SHB: variants seen among roughly 807,000 people sequenced by gnomAD.
SHB encodes SH2 domain containing adaptor protein B.
In SHB, 20 loss-of-function variants were observed where a neutral mutation model predicts 52.3. The ratio of observed to expected loss-of-function variants is 0.38; its 90% CI spans 0.27 to 0.56. The LOEUF is 0.56. Among genes scored for constraint, SHB ranks in the 20% least tolerant of loss-of-function variants. SHB has a pLI of 0.71. For synonymous variants in SHB, 397 were observed against 316.5 expected, an observed-to-expected ratio of 1.25 and a Z score of -2.70; for missense variants, 825 against 723.3, an observed-to-expected ratio of 1.14 and a Z score of -1.61.
chr9:38,065,157 G>A (rs1821944949), intron 1 of SHB, among the ~76,000 whole-genome samples: 2 of 152,146 alleles, frequency 1.3e-5, no homozygotes, highest in African/African-American at 4.8e-5. Flanking sequence ...GGATCCATGA[G>A]TGAGGGGCAG....
chr9:37,967,418 T>C (rs1820539608), intron 3 of SHB, among the ~76,000 whole-genome samples: 1 of 152,156 alleles, frequency 6.6e-6, no homozygotes, highest in Admixed American at 6.5e-5. Flanking sequence ...GGTGATACCA[T>C]AGCATAAGCA....
intron 1 of SHB, among the ~76,000 whole-genome samples, chr9:38,038,968 GTTT>G (rs1821529537): frequency 6.6e-6 from 1 of 152,214 alleles, no homozygotes; most frequent in African/African-American, 2.4e-5. Context: ...GGAGATGGAA[GTTT>G]TTTGAGACAG....
intron 1 of SHB, among the ~76,000 whole-genome samples, chr9:38,020,737 T>C (rs1235776566): frequency 6.6e-6 from 1 of 152,206 alleles, no homozygotes; most frequent in African/African-American, 2.4e-5. Context: ...ACACCACCTG[T>C]TCTCCAATAA....
At position 38,044,664 on chromosome 9, in the gene SHB, T is replaced by C. The variant is rs1019073647; in HGVS notation, c.717+23265A>G. ...ATGAGGCCACTAGAAGCCTAAAATGTAGAGTCTTGGCTGCTCTGGAGGGCA... is the reference window on the plus strand; with the variant it reads ...ATGAGGCCACTAGAAGCCTAAAATGCAGAGTCTTGGCTGCTCTGGAGGGCA... On this transcript the variant is annotated intron_variant, in intron 1 of 5. Coordinates refer to ENST00000377707, the MANE Select transcript of SHB (RefSeq NM_003028.3). Among the ~76,000 whole-genome samples, 49 of 152,358 alleles carry C rather than the reference T, an allele frequency of 3.2e-4. 2 individuals are homozygous for C. Among genetic ancestry groups the C allele is most frequent in the Admixed American group, 2.8e-3 (43 of 15,306 alleles).
chr9:37,971,291 G>A (rs1006070208), intron 3 of SHB, among the ~76,000 whole-genome samples: 2 of 152,136 alleles, frequency 1.3e-5, no homozygotes, highest in African/African-American at 4.8e-5. Context: ...ATCCTTCCCG[G>A]GAAGCTGCAC....
chr9:37,919,683 A>G lies in SHB; in HGVS notation c.*138T>C. The G allele has an allele frequency of 1.6e-6, 1 of 641,376 alleles. No homozygotes were observed. The highest frequency in any genetic ancestry group is 2.7e-6 in the Non-Finnish European group (1 of 368,258). 39.7% of individuals were successfully genotyped at this position (641,376 alleles called of 1,614,324 possible). A position where few individuals can be genotyped will look rare whatever the true frequency, so the allele number is the denominator to read the frequency against. ...CCCGTAAGTGGCAACAGCATTCTAG[A>G]GACATGCAGTGGTGTGCTAGTACCA... On this transcript the variant is annotated 3_prime_UTR_variant, in exon 6 of 6. Coordinates refer to ENST00000377707, the MANE Select transcript of SHB (RefSeq NM_003028.3).
At chr9:38,033,509 C>A (rs1035073153) in intron 1 of SHB, among the ~76,000 whole-genome samples, 2 of 152,184 alleles carry the variant, frequency 1.3e-5, no homozygotes, top group East Asian at 1.9e-4. Flanking sequence ...TATAGGGAGA[C>A]CCTGCCTCCA....
At chr9:38,047,596 AC>A (rs1193928331) in intron 1 of SHB, among the ~76,000 whole-genome samples, 1 of 152,232 alleles carries the variant, frequency 6.6e-6, no homozygotes, top group Non-Finnish European at 1.5e-5. Context: ...AATTATAAAC[AC>A]AGAACTAACA....
chr9:38,026,553 T>C (rs78832593), intron 1 of SHB, among the ~76,000 whole-genome samples: 72 of 152,344 alleles, frequency 4.7e-4, no homozygotes, highest in African/African-American at 1.6e-3. Context: ...TTATTGAGGA[T>C]AGGCAGCATC....
intron 2 of SHB, among the ~76,000 whole-genome samples, chr9:37,996,276 C>T (rs571276779): frequency 2.6e-5 from 4 of 152,316 alleles, no homozygotes; most frequent in African/African-American, 9.6e-5. Context: ...TTCCCTCACA[C>T]CCAGGATGAA....
intron 1 of SHB, among the ~76,000 whole-genome samples, chr9:38,027,436 ATGC>A (rs1278404100): frequency 4.6e-5 from 7 of 152,126 alleles, no homozygotes; most frequent in Non-Finnish European, 1.0e-4. Flanking sequence ...CACAGAAAAG[ATGC>A]TGCTCTTATC....
At chr9:38,021,484 T>C (rs1241930051) in intron 1 of SHB, among the ~76,000 whole-genome samples, 2 of 150,788 alleles carry the variant, frequency 1.3e-5, no homozygotes, top group Non-Finnish European at 1.5e-5. Flanking sequence ...ATCCAACATA[T>C]AGTGAAACTC....
chr9:38,046,301 T>TCC (rs1481193314), intron 1 of SHB, among the ~76,000 whole-genome samples: 1 of 152,188 alleles, frequency 6.6e-6, no homozygotes, highest in Non-Finnish European at 1.5e-5. Context: ...TGTCTGTGGC[T>TCC]CCCTGAAGAA....
intron 1 of SHB, among the ~76,000 whole-genome samples, chr9:38,021,689 T>C (rs4878739): frequency 0.29 from 44,056 of 150,628 alleles, 6,593 homozygotes; most frequent in Middle Eastern, 0.41. Context: ...AAAAAAAGAA[T>C]GATGAGAGAG....
intron 2 of SHB, among the ~76,000 whole-genome samples, chr9:37,990,284 C>T (rs924716884): frequency 6.6e-6 from 1 of 152,124 alleles, no homozygotes; most frequent in Non-Finnish European, 1.5e-5. Flanking sequence ...AGAGATGAAT[C>T]CAATACTCCC....
At chr9:37,956,200 C>G in intron 3 of SHB, 146 bp from the exon 4 acceptor site, 1 of 744,038 alleles carries the variant, frequency 1.3e-6, no homozygotes, top group East Asian at 2.7e-5. Context: ...TAACATGGCA[C>G]AAAAGATTTT....
At chr9:38,046,280 C>G (rs1821651168) in intron 1 of SHB, among the ~76,000 whole-genome samples, 1 of 152,206 alleles carries the variant, frequency 6.6e-6, no homozygotes, top group Non-Finnish European at 1.5e-5. Context: ...CAGGCCTGCT[C>G]ATTTATATAT....
In SHB at chr9:38,068,241, G is replaced by A; in HGVS notation, c.405C>T (p.Gly135=). ...AGGAGGCGCAGCAACAGCCCGCGGC[G>A]CCCGACGCGGACGAGGCCGAGAAGG... is the stretch of plus-strand genomic sequence containing the variant. ...QRAFSASSAS[G]AAGCCCASSG... is the part of the protein sequence containing the mutation. The change falls in exon 1 of 6, where the codon GGC becomes GGT. Residue 135 remains glycine (G), a synonymous_variant. Transcript: ENST00000377707. The A allele has an allele frequency of 7.1e-7, 1 of 1,400,542 alleles. No individual in the cohort carries two copies. The highest frequency in any genetic ancestry group is 9.2e-7 in the Non-Finnish European group (1 of 1,089,504). 86.8% of individuals were successfully genotyped at this position (1,400,542 alleles called of 1,614,324 possible). A position where few individuals can be genotyped will look rare whatever the true frequency, so the allele number is the denominator to read the frequency against.
At chr9:37,949,798 T>C (rs1044882173) in intron 4 of SHB, among the ~76,000 whole-genome samples, 2 of 152,188 alleles carry the variant, frequency 1.3e-5, no homozygotes, top group Non-Finnish European at 2.9e-5. Context: ...CACTTGGGCA[T>C]GTGGGAATCC....
Sources: gnomAD v4.1 joint callset for allele counts (sites outside exome capture counted in the v4.1 genomes callset) on GRCh38, gnomAD v4.1.1 for gene constraint, MANE v1.5 for transcripts, NCBI Gene and HGNC (gene_info 2026-07-23, HGNC 2026-07-21) for gene names.